The following SLC2A9 variants were observed in gnomAD, a reference collection of about 807,000 sequenced individuals.
The protein encoded by SLC2A9 is solute carrier family 2, facilitated glucose transporter member 9.
Under a neutral mutation model 50.6 loss-of-function variants are expected in SLC2A9, and 39 were observed. The ratio of observed to expected loss-of-function variants is 0.77; its 90% CI spans 0.60 to 1.01. The LOEUF (loss-of-function observed/expected upper bound fraction) is 1.01, where lower values mean the gene tolerates loss of function less well. SLC2A9 is among the 50% of genes least tolerant of loss of function. The pLI, the probability that SLC2A9 is intolerant of heterozygous loss-of-function variation, is 0.00. For missense variants in SLC2A9, 686 were observed against 677.6 expected, an observed-to-expected ratio of 1.01 and a Z score of -0.14; for synonymous variants, 324 against 276.9, an observed-to-expected ratio of 1.17 and a Z score of -1.69.
At chr4:10,026,849 G>A (rs1327903723) in intron 1 of SLC2A9, among the ~76,000 whole-genome samples, 2 of 152,138 alleles carry the variant, frequency 1.3e-5, no homozygotes. Flanking sequence ...TTCAAGACCA[G>A]CCTGGCCAAC....
intron 6 of SLC2A9, among the ~76,000 whole-genome samples, chr4:9,928,941 T>C (rs1745396995): frequency 6.6e-6 from 1 of 152,228 alleles, no homozygotes; most frequent in South Asian, 2.1e-4. Flanking sequence ...CTAAGGAAGA[T>C]GGAAATTCAC....
At chr4:9,808,820 G>C (rs1029484821) in intron 3 of SLC2A9, among the ~76,000 whole-genome samples, 11 of 152,170 alleles carry the variant, frequency 7.2e-5, no homozygotes, top group Non-Finnish European at 1.6e-4. Flanking sequence ...GTCCTATGTG[G>C]ACTTGGGGTC....
chr4:9,881,785 T>G (rs1735261063), intron 10 of SLC2A9, among the ~76,000 whole-genome samples: 1 of 152,324 alleles, frequency 6.6e-6, no homozygotes, highest in South Asian at 2.1e-4. Context: ...GACTAGGACT[T>G]AAGCTTCTGA....
chr4:9,953,913 A>C (rs1331380625), intron 5 of SLC2A9, among the ~76,000 whole-genome samples: 1 of 152,182 alleles, frequency 6.6e-6, no homozygotes, highest in Non-Finnish European at 1.5e-5. Context: ...GGGCTCAAGC[A>C]ATTCTCCTGC....
At chr4:9,976,242 A>G (rs1754785276) in intron 5 of SLC2A9, among the ~76,000 whole-genome samples, 2 of 152,186 alleles carry the variant, frequency 1.3e-5, no homozygotes, top group Non-Finnish European at 1.5e-5. Context: ...GTACCCTCTT[A>G]ATTTAAAATA....
At chr4:9,976,884 G>A (rs1456206818) in intron 5 of SLC2A9, among the ~76,000 whole-genome samples, 1 of 152,174 alleles carries the variant, frequency 6.6e-6, no homozygotes, top group East Asian at 1.9e-4. Flanking sequence ...CCCCTGCAGA[G>A]CTACTCCTTC....
intron 8 of SLC2A9, among the ~76,000 whole-genome samples, chr4:9,893,206 A>G (rs753616854): frequency 1.3e-5 from 2 of 151,986 alleles, no homozygotes; most frequent in East Asian, 1.9e-4. Context: ...GGCACTGATC[A>G]CTTTTCTGCC....
intron 5 of SLC2A9, among the ~76,000 whole-genome samples, chr4:9,949,428 G>A (rs1264478938): frequency 6.6e-6 from 1 of 152,102 alleles, no homozygotes; most frequent in African/African-American, 2.4e-5. Flanking sequence ...TCCTATTAGA[G>A]GGCTGATGTT....
At chr4:9,980,469 A>G (rs1755532794) in intron 5 of SLC2A9, 123 bp downstream of exon 5, 1 of 1,303,302 alleles carries the variant, frequency 7.7e-7, no homozygotes, top group Non-Finnish European at 1.1e-6. Context: ...CTCCAATAAT[A>G]AGTAAGAGGC....
chr4:9,938,070 T>A (rs554607900), intron 6 of SLC2A9, among the ~76,000 whole-genome samples: 1 of 152,230 alleles, frequency 6.6e-6, no homozygotes, highest in Admixed American at 6.5e-5. Context: ...CAATCATCTA[T>A]AATTGTTTGT....
chr4:9,880,511 C>A, intron 10 of SLC2A9: 1 of 985,034 alleles, frequency 1.0e-6, no homozygotes, highest in South Asian at 4.7e-5. Context: ...GGAACAGAAT[C>A]AGGATCATTG....
Position 9,887,557 on chromosome 4 carries a change from G to A in SLC2A9, c.1291+10C>T, listed in dbSNP as rs372032901. ...CTGGGCGGGGCAGTGGGGAGGGTGG[G>A]GTGCCTTACCTGGCCCACTGCAGAA... On this transcript the variant is annotated intron_variant, in intron 10 of 11. Coordinates refer to ENST00000264784, the MANE Select transcript of SLC2A9 (RefSeq NM_020041.3). The A allele has an allele frequency of 9.0e-6, 14 of 1,554,322 alleles. No individual in the cohort carries two copies. Among genetic ancestry groups the A allele is most frequent in the Middle Eastern group, 2.0e-4 (1 of 5,060 alleles).
At chr4:9,840,477 T>G (rs1330594403) in intron 10 of SLC2A9, among the ~76,000 whole-genome samples, 1 of 152,224 alleles carries the variant, frequency 6.6e-6, no homozygotes, top group Non-Finnish European at 1.5e-5. Flanking sequence ...TTTTCTGACT[T>G]TCATGAATAA....
intron 3 of SLC2A9, among the ~76,000 whole-genome samples, chr4:9,801,917 G>A (rs1721461814): frequency 6.6e-6 from 1 of 152,314 alleles, no homozygotes; most frequent in South Asian, 2.1e-4. Context: ...TCTAACTCAG[G>A]GGATCACTTA....
At chr4:9,835,047 GAGA>G in intron 10 of SLC2A9, 39 bp from the exon 11 acceptor site, 1 of 1,612,096 alleles carries the variant, frequency 6.2e-7, no homozygotes, top group Non-Finnish European at 8.5e-7. Flanking sequence ...TAATCACTCT[GAGA>G]AGGTCATGCC....
intron 10 of SLC2A9, chr4:9,880,542 T>G: frequency 1.0e-6 from 1 of 984,390 alleles, no homozygotes; most frequent in Non-Finnish European, 1.2e-6. Flanking sequence ...TGGGAGGGCT[T>G]AGGAAAAAAA....
intron 3 of SLC2A9, among the ~76,000 whole-genome samples, chr4:9,987,416 G>A (rs894447808): frequency 5.3e-5 from 8 of 152,212 alleles, no homozygotes; most frequent in African/African-American, 1.2e-4. Context: ...CACTGCGTCC[G>A]GCCTAGAAAC....
At chr4:9,837,980 G>A (rs1259001809) in intron 10 of SLC2A9, among the ~76,000 whole-genome samples, 1 of 152,198 alleles carries the variant, frequency 6.6e-6, no homozygotes, top group East Asian at 1.9e-4. Flanking sequence ...TCTCTCACCT[G>A]TAAAGTGAGT....
At chr4:9,797,059 T>C (rs1028487988), downstream of SLC2A9, among the ~76,000 whole-genome samples, 3 of 152,204 alleles carry the variant, frequency 2.0e-5, no homozygotes, top group Non-Finnish European at 4.4e-5. Flanking sequence ...TACTGTGATC[T>C]ACCATTAACA....
Sources: gnomAD v4.1 joint callset for allele counts (sites outside exome capture counted in the v4.1 genomes callset) on GRCh38, gnomAD v4.1.1 for gene constraint, MANE v1.5 for transcripts, NCBI Gene and HGNC (gene_info 2026-07-23, HGNC 2026-07-21) for gene names.